Variants in ZP3 observed in about 807,000 individuals in gnomAD.
ZP3 encodes zona pellucida sperm-binding protein 3.
Under a neutral mutation model 35.6 loss-of-function variants are expected in ZP3, and 21 were observed. That is an observed-to-expected ratio of 0.59 (90% CI 0.42 to 0.85). ZP3 has a LOEUF of 0.85. ZP3 is among the 40% of genes least tolerant of loss of function. The probability of loss-of-function intolerance (pLI) is 0.00; values close to 1 mark genes in which losing one functional copy is unlikely to be tolerated. For missense variants in ZP3, 437 were observed against 536.5 expected, an observed-to-expected ratio of 0.81 and a Z score of 1.83; for synonymous variants, 207 against 214.5, an observed-to-expected ratio of 0.96 and a Z score of 0.31.
chr7:76,429,228 A>G, intron 1 of ZP3: 1 of 389,142 alleles, frequency 2.6e-6, no homozygotes, highest in South Asian at 2.7e-5. Context: ...TCCGAGGTAC[A>G]AAGACAGTAC....
At chr7:76,426,431 A>G (rs1409716540) in intron 1 of ZP3, among the ~76,000 whole-genome samples, 2 of 152,188 alleles carry the variant, frequency 1.3e-5, no homozygotes, top group East Asian at 1.9e-4. Flanking sequence ...GCCTAGACCC[A>G]GTAGCTTGCC....
At chr7:76,413,055 T>G (rs1030538230) in intron 1 of ZP3, among the ~76,000 whole-genome samples, 1 of 146,646 alleles carries the variant, frequency 6.8e-6, no homozygotes, top group Admixed American at 6.9e-5. Flanking sequence ...CTGTGCCTCC[T>G]GGGTTCAAAC....
intron 5 of ZP3, among the ~76,000 whole-genome samples, chr7:76,436,056 T>TCCC: frequency 1.3e-5 from 1 of 77,476 alleles, no homozygotes; most frequent in African/African-American, 5.9e-5. Context: ...TTTTTTTTTT[T>TCCC]TTTTTTTTTT....
Position 76,414,368 on chromosome 7 carries a change from A to T in ZP3, c.-66-10684A>T, listed in dbSNP as rs948146187. On this transcript the variant is annotated intron_variant, in intron 1 of 8. Transcript: ENST00000336517. ...TAAGTCACCACCTCAAGGTGTGATA[A>T]ATGGATTCTGACAAGTGGTTTTTCC... Among the ~76,000 whole-genome samples, 7 of 152,120 alleles carry T rather than the reference A, an allele frequency of 4.6e-5. No individual in the cohort carries two copies. The South Asian group carries it at 1.5e-3, about 32-fold the overall frequency.
At chr7:76,440,850 T>C (rs1260774875) in intron 7 of ZP3, among the ~76,000 whole-genome samples, 1 of 151,996 alleles carries the variant, frequency 6.6e-6, no homozygotes, top group Non-Finnish European at 1.5e-5. Flanking sequence ...GAGACATAAT[T>C]AGGCATGTAG....
chr7:76,423,080 A>AAAGAAAGAAAGG (rs1554624543), upstream of ZP3, among the ~76,000 whole-genome samples: 14 of 142,654 alleles, frequency 9.8e-5, no homozygotes, highest in Middle Eastern at 3.5e-3. Context: ...AGAAAGAAAG[A>AAAGAAAGAAAGG]AAGAAAAGAA....
At chr7:76,422,030 G>A (rs1305845769), upstream of ZP3, among the ~76,000 whole-genome samples, 1 of 152,086 alleles carries the variant, frequency 6.6e-6, no homozygotes, top group Non-Finnish European at 1.5e-5. Flanking sequence ...CCAAGTAGCT[G>A]GGATTACAGG....
At chr7:76,401,128 G>A in intron 1 of ZP3, 8 of 1,444,534 alleles carry the variant, frequency 5.5e-6, no homozygotes, top group Non-Finnish European at 6.4e-6. Flanking sequence ...AACTCCCACA[G>A]TCCTCAACAT....
At chr7:76,413,116 CTGCG>C (rs1805289633) in intron 1 of ZP3, among the ~76,000 whole-genome samples, 1 of 151,732 alleles carries the variant, frequency 6.6e-6, no homozygotes, top group Non-Finnish European at 1.5e-5. Context: ...GCGCGTGCCA[CTGCG>C]CCCAGCTAAT....
At chr7:76,432,131 T>C (rs1338905725) in intron 2 of ZP3, among the ~76,000 whole-genome samples, 1 of 151,168 alleles carries the variant, frequency 6.6e-6, no homozygotes, top group Non-Finnish European at 1.5e-5. Flanking sequence ...CAAGCAATCC[T>C]CCCATCTCAG....
rs375313179 is a variant in ZP3 at position 76,441,811 on chromosome 7, T to G, written c.1061-31T>G. The G allele has an allele frequency of 9.3e-6, 15 of 1,613,804 alleles. No individual in the cohort carries two copies. The African/African-American group carries it at 1.2e-4, about 13-fold the overall frequency. ...CCCAGTTCCCGGTTAGGGACTAAGA[T>G]AACCCTTGGTTGTGTGTTCTCCTTT... is the stretch of plus-strand genomic sequence containing the variant. On this transcript the variant is annotated intron_variant, in intron 7 of 7. Transcript: ENST00000394857.
chr7:76,416,895 CACATACATATGTAT>C (rs1415132857), intron 1 of ZP3, among the ~76,000 whole-genome samples: 2 of 109,722 alleles, frequency 1.8e-5, no homozygotes, highest in East Asian at 6.3e-4. Flanking sequence ...CATATATATA[CACATACATATGTAT>C]ACATACATAT....
At chr7:76,404,383 C>A (rs372904571) in intron 1 of ZP3, 7 of 1,613,934 alleles carry the variant, frequency 4.3e-6, no homozygotes, top group African/African-American at 1.3e-5. Context: ...CCAACCTCCA[C>A]CCCCAGCGCT....
chr7:76,426,907 C>CACACAA (rs57796274), intron 1 of ZP3, among the ~76,000 whole-genome samples: 3,444 of 126,856 alleles, frequency 0.027, 76 homozygotes, highest in East Asian at 0.041. Flanking sequence ...CACACACACA[C>CACACAA]AATAGGGTGT....
intron 1 of ZP3, among the ~76,000 whole-genome samples, chr7:76,410,407 A>G (rs1416402141): frequency 6.7e-6 from 1 of 150,316 alleles, no homozygotes; most frequent in Non-Finnish European, 1.5e-5. Context: ...GCTGGAGTGC[A>G]ATGGTGTGAT....
chr7:76,400,895 G>T, intron 1 of ZP3: 1 of 1,384,102 alleles, frequency 7.2e-7, no homozygotes, highest in Non-Finnish European at 1.0e-6. Flanking sequence ...CTGAGATGGG[G>T]GCATCTAGAG....
At chr7:76,425,354 G>A in intron 1 of ZP3, 78 bp downstream of exon 1, 14 of 1,458,080 alleles carry the variant, frequency 9.6e-6, no homozygotes, top group Non-Finnish European at 1.3e-5. Context: ...GCCACCATCG[G>A]TGGGAGGTGG....
At chr7:76,432,671 T>G (rs1267242582) in intron 2 of ZP3, among the ~76,000 whole-genome samples, 2 of 152,184 alleles carry the variant, frequency 1.3e-5, no homozygotes, top group Non-Finnish European at 2.9e-5. Flanking sequence ...TAGGTTCAGC[T>G]GTATCTGTCT....
In ZP3 at chr7:76,433,751, T is replaced by A. The variant is rs1173741038; in HGVS notation, c.713+104T>A. On this transcript the variant is annotated intron_variant, in intron 4 of 7. Transcript: ENST00000394857. ...TGTCACTCTGTAACCCAGGCTGGAA[T>A]ACAGAGGCTTGATCTCTGCCCTCTG... The A allele has an allele frequency of 5.4e-6, 7 of 1,297,480 alleles. No individual in the cohort carries two copies. The Admixed American group carries it at 1.3e-4, about 25-fold the overall frequency. 80.4% of individuals were successfully genotyped at this position (1,297,480 alleles called of 1,614,324 possible). A position where few individuals can be genotyped will look rare whatever the true frequency, so the allele number is the denominator to read the frequency against.
Sources: gnomAD v4.1 joint callset for allele counts (sites outside exome capture counted in the v4.1 genomes callset) on GRCh38, gnomAD v4.1.1 for gene constraint, MANE v1.5 for transcripts, NCBI Gene and HGNC (gene_info 2026-07-23, HGNC 2026-07-21) for gene names.